The following STAP1 variants were observed in gnomAD, a reference collection of about 807,000 sequenced individuals.
The protein encoded by STAP1 is signal-transducing adaptor protein 1.
A neutral mutation model predicts 37.8 loss-of-function variants in STAP1; 30 were observed. The ratio of observed to expected loss-of-function variants is 0.79; its 90% CI spans 0.59 to 1.08. STAP1 has a LOEUF of 1.08. STAP1 is among the 50% of genes least tolerant of loss of function. The pLI is 0.00. For synonymous variants in STAP1, 130 were observed against 116.0 expected (o/e 1.12, Z -0.78); for missense variants, 357 against 349.4 (o/e 1.02, Z -0.17).
intron 8 of STAP1, among the ~76,000 whole-genome samples, chr4:67,603,396 T>G (rs1339570069): frequency 6.6e-6 from 1 of 152,192 alleles, no homozygotes; most frequent in East Asian, 1.9e-4. Flanking sequence ...GTTCCCAAGC[T>G]GCAAGACAAA....
At chr4:67,574,757 C>T (rs1246871148) in intron 2 of STAP1, among the ~76,000 whole-genome samples, 1 of 152,158 alleles carries the variant, frequency 6.6e-6, no homozygotes, top group East Asian at 1.9e-4. Context: ...GAAGAATGTA[C>T]AACAGGCTGT....
At chr4:67,606,135 A>T (rs980237291) in intron 8 of STAP1, among the ~76,000 whole-genome samples, 161 bp from the exon 9 acceptor site, 1 of 152,264 alleles carries the variant, frequency 6.6e-6, no homozygotes, top group Non-Finnish European at 1.5e-5. Context: ...AATAAAATTT[A>T]AAAAAGCATC....
At chr4:67,573,679 G>C (rs1349127703) in intron 2 of STAP1, among the ~76,000 whole-genome samples, 1 of 151,934 alleles carries the variant, frequency 6.6e-6, no homozygotes, top group South Asian at 2.1e-4. Context: ...ATACATTGTG[G>C]AATGGTTAAA....
chr4:67,574,394 A>G (rs1727673906), intron 2 of STAP1, among the ~76,000 whole-genome samples: 1 of 152,166 alleles, frequency 6.6e-6, no homozygotes. Context: ...ATTTTCTAAT[A>G]TTTTCATTTA....
chr4:67,568,570 T>C (rs988932376), intron 1 of STAP1, among the ~76,000 whole-genome samples: 2 of 152,204 alleles, frequency 1.3e-5, no homozygotes, highest in Admixed American at 1.3e-4. Context: ...CTAGGTTATT[T>C]AAATATTTTA....
At chr4:67,575,618 T>C in intron 3 of STAP1, 120 bp downstream of exon 3, 1 of 755,478 alleles carries the variant, frequency 1.3e-6, no homozygotes, top group Non-Finnish European at 2.1e-6. Flanking sequence ...TTGTTAATAT[T>C]TTTGCTTGCG....
intron 1 of STAP1, among the ~76,000 whole-genome samples, chr4:67,566,041 TG>T (rs1727461611): frequency 6.8e-6 from 1 of 146,062 alleles, no homozygotes; most frequent in Non-Finnish European, 1.5e-5. Context: ...CTTCGCTTCC[TG>T]GGTTCAAGAG....
chr4:67,559,736 A>T (rs989660186), intron 1 of STAP1, among the ~76,000 whole-genome samples: 1 of 152,230 alleles, frequency 6.6e-6, no homozygotes, highest in South Asian at 2.1e-4. Context: ...ACTGACTAAA[A>T]CTAGAAAAAT....
chr4:67,566,788 G>A (rs1169241677), intron 1 of STAP1, among the ~76,000 whole-genome samples: 1 of 152,072 alleles, frequency 6.6e-6, no homozygotes, highest in African/African-American at 2.4e-5. Flanking sequence ...TGCCCAACAT[G>A]GTGAAACTCC....
intron 1 of STAP1, among the ~76,000 whole-genome samples, chr4:67,562,094 AAGAAAGAG>A (rs1422588398): frequency 3.4e-5 from 5 of 146,614 alleles, no homozygotes. Context: ...AAAAAAAAGA[AAGAAAGAG>A]AGAAAGAAAG....
chr4:67,568,194 G>C (rs559410939), intron 1 of STAP1, among the ~76,000 whole-genome samples: 4 of 152,142 alleles, frequency 2.6e-5, no homozygotes, highest in African/African-American at 9.6e-5. Context: ...ACATTTTACT[G>C]GTTAAAAAAC....
intron 7 of STAP1, among the ~76,000 whole-genome samples, 188 bp from the exon 8 acceptor site, chr4:67,593,072 A>G (rs183319671): frequency 1.2e-3 from 178 of 152,344 alleles, no homozygotes; most frequent in African/African-American, 4.0e-3. Flanking sequence ...TAATTCCTCA[A>G]CAGAGAATGG....
At chr4:67,570,812 C>A (rs1445576911) in intron 1 of STAP1, among the ~76,000 whole-genome samples, 2 of 151,912 alleles carry the variant, frequency 1.3e-5, no homozygotes, top group Non-Finnish European at 2.9e-5. Context: ...TGCCTGTAGT[C>A]CCAGCTACTT....
chr4:67,593,181 T>G, intron 7 of STAP1, 79 bp from the exon 8 acceptor site: 1 of 959,774 alleles, frequency 1.0e-6, no homozygotes, highest in Non-Finnish European at 1.6e-6. Flanking sequence ...GTAATCTCCA[T>G]TAGATTCCAG....
At chr4:67,574,290 G>A (rs956859538) in intron 2 of STAP1, among the ~76,000 whole-genome samples, 29 of 151,936 alleles carry the variant, frequency 1.9e-4, no homozygotes, top group Admixed American at 1.1e-3. Context: ...AATGTAATTC[G>A]ATCATAATTT....
At chr4:67,561,898 C>T (rs113963976) in intron 1 of STAP1, among the ~76,000 whole-genome samples, 39,727 of 151,354 alleles carry the variant, frequency 0.26, 5,495 homozygotes, top group Middle Eastern at 0.35. Context: ...ATGGCGAAAC[C>T]CCGTCTCTAC....
intron 8 of STAP1, among the ~76,000 whole-genome samples, chr4:67,594,399 T>C (rs1728180408): frequency 6.6e-6 from 1 of 152,188 alleles, no homozygotes; most frequent in African/African-American, 2.4e-5. Flanking sequence ...GTATCTTATC[T>C]GTTTAGAACT....
intron 1 of STAP1, among the ~76,000 whole-genome samples, chr4:67,567,424 A>G (rs1166032181): frequency 6.6e-6 from 1 of 152,178 alleles, no homozygotes; most frequent in East Asian, 1.9e-4. Flanking sequence ...CCTTGTCCCA[A>G]ATTCCAATGT....
intron 8 of STAP1, among the ~76,000 whole-genome samples, chr4:67,601,443 G>A (rs1728340032): frequency 6.6e-6 from 1 of 152,118 alleles, no homozygotes; most frequent in Non-Finnish European, 1.5e-5. Flanking sequence ...CCACCAGTGA[G>A]TTTTGTCCCA....
Sources: gnomAD v4.1 joint callset for allele counts (sites outside exome capture counted in the v4.1 genomes callset) on GRCh38, gnomAD v4.1.1 for gene constraint, MANE v1.5 for transcripts, NCBI Gene and HGNC (gene_info 2026-07-23, HGNC 2026-07-21) for gene names.